ITPK1: variants seen among roughly 807,000 people sequenced by gnomAD.
The protein encoded by ITPK1 is inositol-tetrakisphosphate 1-kinase, also known as inositol 1,3,4-trisphosphate 5/6-kinase.
Under a neutral mutation model 45.3 loss-of-function variants are expected in ITPK1, and 21 were observed. The ratio of observed to expected loss-of-function variants is 0.46; its 90% CI spans 0.33 to 0.67. The LOEUF is 0.67. ITPK1 is among the 30% of genes least tolerant of loss of function. The pLI is 0.02. For missense variants in ITPK1, 474 were observed against 573.5 expected (o/e 0.83, Z 1.77); for synonymous variants, 258 against 253.6 (o/e 1.02, Z -0.16).
At chr14:93,030,578 C>T (rs556653460) in intron 3 of ITPK1, among the ~76,000 whole-genome samples, 2 of 152,288 alleles carry the variant, frequency 1.3e-5, no homozygotes, top group African/African-American at 4.8e-5. Context: ...TACTCACAGC[C>T]TAGTGTGGGA....
At chr14:92,949,493 A>C (rs1458089383) in intron 9 of ITPK1, among the ~76,000 whole-genome samples, 1 of 152,230 alleles carries the variant, frequency 6.6e-6, no homozygotes, top group Non-Finnish European at 1.5e-5. Context: ...CTGCAGCCCA[A>C]GGCCCTCACT....
intron 4 of ITPK1, among the ~76,000 whole-genome samples, chr14:93,013,573 C>G (rs770599449): frequency 9.8e-5 from 15 of 152,300 alleles, no homozygotes; most frequent in Admixed American, 3.3e-4. Flanking sequence ...CTCCTCCCTC[C>G]CAGGACCTGA....
chr14:92,954,825 C>CATGAGT, intron 8 of ITPK1, among the ~76,000 whole-genome samples: 1 of 152,308 alleles, frequency 6.6e-6, no homozygotes, highest in African/African-American at 2.4e-5. Flanking sequence ...TTCCAGTTGC[C>CATGAGT]ATGAGTATCA....
At chr14:93,082,990 G>A (rs1891498456) in intron 2 of ITPK1, among the ~76,000 whole-genome samples, 1 of 152,204 alleles carries the variant, frequency 6.6e-6, no homozygotes, top group South Asian at 2.1e-4. Flanking sequence ...GCTGGCCGCT[G>A]AGCAGCAGGG....
At chr14:93,050,583 C>T (rs1889964307) in intron 3 of ITPK1, among the ~76,000 whole-genome samples, 1 of 152,274 alleles carries the variant, frequency 6.6e-6, no homozygotes, top group Middle Eastern at 3.4e-3. Flanking sequence ...CTTTGAGGGC[C>T]TGCCTTGGCT....
intron 3 of ITPK1, among the ~76,000 whole-genome samples, chr14:93,058,442 T>G (rs1328159633): frequency 0.042 from 315 of 7,570 alleles, no homozygotes; most frequent in Middle Eastern, 0.12. Flanking sequence ...AGGCAGGGGT[T>G]GAGGGGGTGC....
At chr14:93,005,932 G>A (rs923119323) in intron 4 of ITPK1, among the ~76,000 whole-genome samples, 1 of 152,126 alleles carries the variant, frequency 6.6e-6, no homozygotes, top group Non-Finnish European at 1.5e-5. Context: ...TCACTTCCAG[G>A]GCATACCGTA....
intron 5 of ITPK1, among the ~76,000 whole-genome samples, chr14:92,989,602 G>A (rs1886681099): frequency 6.6e-6 from 1 of 152,162 alleles, no homozygotes; most frequent in South Asian, 2.1e-4. Context: ...TCTGGACCCT[G>A]GCCCTGGGTG....
intron 3 of ITPK1, among the ~76,000 whole-genome samples, chr14:93,039,792 G>T (rs933103889): frequency 6.6e-6 from 1 of 152,254 alleles, no homozygotes; most frequent in African/African-American, 2.4e-5. Context: ...GCTAAACTGG[G>T]AGTTCTCCCT....
intron 3 of ITPK1, among the ~76,000 whole-genome samples, chr14:93,061,396 T>C (rs1281754208): frequency 6.6e-6 from 1 of 151,962 alleles, no homozygotes; most frequent in East Asian, 1.9e-4. Flanking sequence ...CTTCCTCCTC[T>C]CCCTGGGGTG....
chr14:93,085,600 G>A (rs759436070), intron 2 of ITPK1, among the ~76,000 whole-genome samples: 2 of 152,166 alleles, frequency 1.3e-5, no homozygotes, highest in South Asian at 2.1e-4. Context: ...AGGAACTGAG[G>A]TGCCTTTGAG....
chr14:92,971,391 C>T (rs904149217), intron 5 of ITPK1, among the ~76,000 whole-genome samples: 3 of 152,228 alleles, frequency 2.0e-5, no homozygotes, highest in Non-Finnish European at 2.9e-5. Flanking sequence ...ACCCCTCCCC[C>T]ACTCATCGTC....
chr14:92,999,267 C>T (rs887609873), intron 4 of ITPK1, among the ~76,000 whole-genome samples: 8 of 152,242 alleles, frequency 5.3e-5, no homozygotes, highest in African/African-American at 9.6e-5. Context: ...CCCGTATTTG[C>T]GGGTCCCCCA....
At chr14:93,100,959 G>A (rs1005802187) in intron 2 of ITPK1, among the ~76,000 whole-genome samples, 4 of 152,166 alleles carry the variant, frequency 2.6e-5, no homozygotes, top group African/African-American at 9.7e-5. Flanking sequence ...GTCCCAGATG[G>A]CTGCGTCAGG....
chr14:93,048,928 G>A (rs1317819396), intron 3 of ITPK1, among the ~76,000 whole-genome samples: 3 of 152,100 alleles, frequency 2.0e-5, no homozygotes, highest in Non-Finnish European at 4.4e-5. Flanking sequence ...CAGCCTGGAC[G>A]ACAGGGCAAG....
intron 4 of ITPK1, among the ~76,000 whole-genome samples, chr14:93,008,607 G>A (rs1015527585): frequency 2.6e-5 from 4 of 152,362 alleles, no homozygotes; most frequent in Admixed American, 2.6e-4. Flanking sequence ...ATCCCAGAGG[G>A]CCGAGGTCAG....
intron 5 of ITPK1, among the ~76,000 whole-genome samples, chr14:92,978,449 C>T (rs1332610159): frequency 6.6e-6 from 1 of 152,022 alleles, no homozygotes; most frequent in Admixed American, 6.5e-5. Flanking sequence ...GCATAAGAAG[C>T]CCTGAAGGCT....
At chr14:92,956,799 A>G (rs979537020) in intron 8 of ITPK1, among the ~76,000 whole-genome samples, 8 of 152,198 alleles carry the variant, frequency 5.3e-5, no homozygotes, top group Non-Finnish European at 8.8e-5. Flanking sequence ...ATTTTAAAAA[A>G]TGTCAGCCTC....
rs771971896 is a variant in ITPK1 at position 93,034,852 on chromosome 14, C to T, written c.121-18051G>A. Among the ~76,000 whole-genome samples the T allele has an allele frequency of 5.3e-5, 8 of 152,204 alleles. No individual in the cohort carries two copies. The highest frequency in any genetic ancestry group is 9.6e-5 in the African/African-American group (4 of 41,470). On this transcript the variant is annotated intron_variant, in intron 3 of 10. Coordinates refer to ENST00000267615, the MANE Select transcript of ITPK1 (RefSeq NM_014216.6). The surrounding 1 kb of genome is among the most constrained non-coding windows in gnomAD (Gnocchi z 4.1). ...CCTGTGTGGGCCTGCACCACAGGGC[C>T]GAGGATTCAGTGGTTCCCTCCAACC...
Sources: gnomAD v4.1 joint callset for allele counts (sites outside exome capture counted in the v4.1 genomes callset) on GRCh38, gnomAD v4.1.1 for gene constraint, Gnocchi (gnomAD v3.1) non-coding constraint, MANE v1.5 for transcripts, NCBI Gene and HGNC (gene_info 2026-07-23, HGNC 2026-07-21) for gene names.